Variants in PDK1 observed in about 807,000 individuals in gnomAD.
PDK1 encodes the protein pyruvate dehydrogenase kinase 1.
In PDK1, 39 loss-of-function variants were observed where a neutral mutation model predicts 54.2. That is an observed-to-expected ratio of 0.72 (90% CI 0.56 to 0.94). The LOEUF is 0.94. PDK1 is among the 40% of genes least tolerant of loss of function. PDK1 has a pLI of 0.00. For synonymous variants in PDK1, 221 were observed against 207.1 expected, an observed-to-expected ratio of 1.07 and a Z score of -0.58; for missense variants, 552 against 566.0, an observed-to-expected ratio of 0.98 and a Z score of 0.25.
At chr2:172,660,442 G>A in the PDK1 span, among the ~76,000 whole-genome samples, 3 of 151,324 alleles carry the variant, frequency 2.0e-5, no homozygotes, top group Non-Finnish European at 4.4e-5. Context: ...TATTTTAGCA[G>A]AGACAGGTTC....
At chr2:172,669,121 G>A in the PDK1 span, among the ~76,000 whole-genome samples, 8,849 of 134,392 alleles carry the variant, frequency 0.066, 942 homozygotes, top group East Asian at 0.54. Context: ...GTGCAGTGGC[G>A]CAATCTCGGC....
intron 8 of PDK1, among the ~76,000 whole-genome samples, chr2:172,576,667 TG>T (rs1311163581): frequency 7.9e-5 from 12 of 152,170 alleles, no homozygotes; most frequent in Non-Finnish European, 1.5e-4. Context: ...TTTAATGTTT[TG>T]TTTTCATTTT....
the PDK1 span, among the ~76,000 whole-genome samples, chr2:172,670,389 A>G: frequency 6.6e-6 from 1 of 152,218 alleles, no homozygotes; most frequent in Admixed American, 6.5e-5. Flanking sequence ...CTAACATACT[A>G]TACTTGAACT....
chr2:172,669,371 A>G, the PDK1 span, among the ~76,000 whole-genome samples: 1 of 152,238 alleles, frequency 6.6e-6, no homozygotes, highest in Non-Finnish European at 1.5e-5. Flanking sequence ...TTAAAAGCTG[A>G]ATAGTATTCC....
chr2:172,611,791 C>T (rs1382771065), downstream of PDK1, among the ~76,000 whole-genome samples: 3 of 152,196 alleles, frequency 2.0e-5, no homozygotes, highest in Non-Finnish European at 4.4e-5. Context: ...GAAGAGAAAT[C>T]ATATGATAAT....
chr2:172,694,729 A>G, the PDK1 span, among the ~76,000 whole-genome samples: 1 of 152,176 alleles, frequency 6.6e-6, no homozygotes, highest in Non-Finnish European at 1.5e-5. Flanking sequence ...TGGGTAAATA[A>G]TTATCTTACT....
At chr2:172,594,477 CA>C (rs764596011) in intron 10 of PDK1, among the ~76,000 whole-genome samples, 2 of 151,076 alleles carry the variant, frequency 1.3e-5, no homozygotes, top group African/African-American at 4.9e-5. Flanking sequence ...AAAGATTGCA[CA>C]AAAAAAAATC....
chr2:172,673,111 C>A, the PDK1 span, among the ~76,000 whole-genome samples: 1 of 152,134 alleles, frequency 6.6e-6, no homozygotes, highest in African/African-American at 2.4e-5. Flanking sequence ...GCCAAGTGGG[C>A]AACTGGAGAG....
At chr2:172,709,701 A>G in the PDK1 span, among the ~76,000 whole-genome samples, 5 of 152,210 alleles carry the variant, frequency 3.3e-5, no homozygotes, top group South Asian at 2.1e-4. Context: ...GAAATTGCAT[A>G]AAGTGCCAAC....
At chr2:172,577,969 C>T (rs1342742165) in intron 8 of PDK1, among the ~76,000 whole-genome samples, 1 of 152,142 alleles carries the variant, frequency 6.6e-6, no homozygotes, top group African/African-American at 2.4e-5. Context: ...CCTTTTGTTT[C>T]AGCCTGAAGG....
chr2:172,645,259 G>A, the PDK1 span, among the ~76,000 whole-genome samples: 7,470 of 38,696 alleles, frequency 0.19, 750 homozygotes, highest in African/African-American at 0.35. Context: ...TACAAAATAG[G>A]CTTTTTTTTT....
the PDK1 span, among the ~76,000 whole-genome samples, chr2:172,623,159 G>A: frequency 6.6e-6 from 1 of 151,082 alleles, no homozygotes; most frequent in South Asian, 2.1e-4. Context: ...AAAAAAAAAA[G>A]AATTTGTCTC....
chr2:172,696,789 C>A, the PDK1 span, among the ~76,000 whole-genome samples: 37 of 152,104 alleles, frequency 2.4e-4, no homozygotes, highest in Non-Finnish European at 5.9e-5. Flanking sequence ...TATGAAGTTT[C>A]TCAATATCTT....
the PDK1 span, among the ~76,000 whole-genome samples, chr2:172,631,050 G>A: frequency 8.3e-3 from 1,269 of 152,208 alleles, 21 homozygotes; most frequent in African/African-American, 0.028. Context: ...TGATCCATTT[G>A]GAAGTCATCT....
chr2:172,654,579 G>A, the PDK1 span, among the ~76,000 whole-genome samples: 1 of 151,422 alleles, frequency 6.6e-6, no homozygotes. Context: ...TTGGACACAG[G>A]GTGGGGAACA....
chr2:172,682,511 T>A, the PDK1 span, among the ~76,000 whole-genome samples: 1 of 152,180 alleles, frequency 6.6e-6, no homozygotes, highest in Non-Finnish European at 1.5e-5. Context: ...TGGAGAGTTG[T>A]CAGTGGAAGC....
chr2:172,684,516 G>T, the PDK1 span, among the ~76,000 whole-genome samples: 1 of 152,096 alleles, frequency 6.6e-6, no homozygotes, highest in Non-Finnish European at 1.5e-5. Context: ...TAAAAACTTT[G>T]TAGGTATTTA....
At chr2:172,690,081 A>C in the PDK1 span, among the ~76,000 whole-genome samples, 1 of 150,624 alleles carries the variant, frequency 6.6e-6, no homozygotes, top group South Asian at 2.1e-4. Context: ...GAATGGGAGA[A>C]AATTTTTGCA....
At chr2:172,706,748 C>A in the PDK1 span, among the ~76,000 whole-genome samples, 1 of 152,174 alleles carries the variant, frequency 6.6e-6, no homozygotes, top group Non-Finnish European at 1.5e-5. Flanking sequence ...TTTTCTCATC[C>A]TTTTGGGGTA....
Sources: gnomAD v4.1 joint callset for allele counts (sites outside exome capture counted in the v4.1 genomes callset) on GRCh38, gnomAD v4.1.1 for gene constraint, MANE v1.5 for transcripts, NCBI Gene and HGNC (gene_info 2026-07-23, HGNC 2026-07-21) for gene names.